Variants in APCDD1L observed in about 807,000 individuals in gnomAD.
APCDD1L encodes the protein APC down-regulated 1 like.
APCDD1L carries 21 observed loss-of-function variants against 24.2 expected under a neutral mutation model. The observed-to-expected ratio is 0.87, with a 90% CI of 0.61 to 1.25. The LOEUF (loss-of-function observed/expected upper bound fraction) is 1.25. Among genes scored for constraint, APCDD1L ranks in the 50% most tolerant of loss-of-function variants. The pLI is 0.00. For missense variants in APCDD1L, 704 were observed against 711.7 expected, an observed-to-expected ratio of 0.99 and a Z score of 0.12; for synonymous variants, 321 against 323.6, an observed-to-expected ratio of 0.99 and a Z score of 0.09.
In APCDD1L at chr20:58,508,948, G is replaced by A. The variant is rs1297450538; in HGVS notation, c.49+5711C>T. Among the ~76,000 whole-genome samples, 1 of 150,882 alleles carries A rather than the reference G, an allele frequency of 6.6e-6. No individual in the cohort carries two copies. Among genetic ancestry groups the A allele is most frequent in the Admixed American group, 6.6e-5 (1 of 15,188 alleles). On this transcript the variant is annotated intron_variant, in intron 1 of 3. Coordinates refer to ENST00000371149, the MANE Select transcript of APCDD1L (RefSeq NM_153360.3). This position sits in a 1 kb window ranked among gnomAD's most constrained non-coding sequence, Gnocchi z 4.0. ...CATGAGTGTGCGTGAGTGTGTGTGA[G>A]TGTGCATGTGTGTCTGTGTGCGCAC...
In APCDD1L at chr20:58,486,854, G is replaced by GTTT. The variant is rs747539318; in HGVS notation, c.50-16110_50-16108dup. Among the ~76,000 whole-genome samples the GTTT allele has an allele frequency of 1.7e-3, 140 of 80,422 alleles. 11 individuals are homozygous for GTTT. The highest frequency in any genetic ancestry group is 3.9e-3 in the African/African-American group (74 of 19,112). 52.8% of individuals were successfully genotyped at this position (80,422 alleles called of 152,430 possible). A position where few individuals can be genotyped will look rare whatever the true frequency, so the allele number is the denominator to read the frequency against. On this transcript the variant is annotated intron_variant, in intron 1 of 3. Transcript: ENST00000371149. The stretch of plus-strand genomic sequence containing the variant: ...AGAAGGAAAATTTACTGGAGGGAAG[G>GTTT]TTTTTTTTTTTTTTTTTTTTTTTTT...
Position 58,494,178 on chromosome 20 carries a change from CA to C in APCDD1L, c.49+20480del, listed in dbSNP as rs1305592941. On this transcript the variant is annotated intron_variant, in intron 1 of 3. Coordinates refer to ENST00000371149, the MANE Select transcript of APCDD1L (RefSeq NM_153360.3). The surrounding 1 kb of genome is among the most constrained non-coding windows in gnomAD (Gnocchi z 4.8). ...AGAGGAGGGGCTGGTCTTGCTGTCTCAGGGGCAGCAGAGGCAGAAGAAAATC... is the reference window on the plus strand; with the variant it reads ...AGAGGAGGGGCTGGTCTTGCTGTCTCGGGGCAGCAGAGGCAGAAGAAAATC... 6.6e-6 allele frequency among the ~76,000 whole-genome samples: 1 copy of C among 152,114 alleles called. No individual in the cohort carries two copies. The highest frequency in any genetic ancestry group is 2.4e-5 in the African/African-American group (1 of 41,412).
At chr20:58,488,047 C>T (rs1384066682) in intron 1 of APCDD1L, among the ~76,000 whole-genome samples, 1 of 152,090 alleles carries the variant, frequency 6.6e-6, no homozygotes, top group Non-Finnish European at 1.5e-5. Flanking sequence ...GTTTTGCTTT[C>T]CATGGTTTCA....
At position 58,513,704 on chromosome 20, in the gene APCDD1L, T is replaced by C. The variant is rs117873338; in HGVS notation, c.49+955A>G. ...TGCCAGGCAGCAAGTGGAGTGATCC[T>C]CCTGCACGTGCTCTCGTAATCTTCA... On this transcript the variant is annotated intron_variant, in intron 1 of 3. Coordinates refer to ENST00000371149, the MANE Select transcript of APCDD1L (RefSeq NM_153360.3). The C allele has an allele frequency of 8.0e-3, 3,406 of 423,136 alleles. 36 individuals are homozygous for C. The highest frequency in any genetic ancestry group is 0.025 in the Middle Eastern group (69 of 2,780). The allele number at this position is 423,136 out of a possible 1,614,324, so 26.2% of individuals were successfully genotyped here. A position where few individuals can be genotyped will look rare whatever the true frequency, so the allele number is the denominator to read the frequency against.
intron 1 of APCDD1L, among the ~76,000 whole-genome samples, chr20:58,491,009 C>G (rs1386870793): frequency 6.6e-6 from 1 of 152,192 alleles, no homozygotes; most frequent in African/African-American, 2.4e-5. Flanking sequence ...TTGCCACATT[C>G]ACAGATTAAA....
chr20:58,470,947 C>T (rs181036920), intron 1 of APCDD1L, among the ~76,000 whole-genome samples, 200 bp from the exon 2 acceptor site: 55 of 152,262 alleles, frequency 3.6e-4, no homozygotes, highest in East Asian at 1.5e-3. Flanking sequence ...TCAGCCTCCC[C>T]GACGCATCTC....
intron 1 of APCDD1L, among the ~76,000 whole-genome samples, chr20:58,489,476 G>A (rs1990182693): frequency 6.6e-6 from 1 of 152,124 alleles, no homozygotes; most frequent in Non-Finnish European, 1.5e-5. Flanking sequence ...GAGGTTAGGA[G>A]TTTGAGATCA....
chr20:58,483,312 G>T (rs1343029690), intron 1 of APCDD1L, among the ~76,000 whole-genome samples: 1 of 152,260 alleles, frequency 6.6e-6, no homozygotes, highest in South Asian at 2.1e-4. Context: ...CTTGGGGCTG[G>T]AATGTTCTCC....
chr20:58,498,542 C>A (rs6026314), intron 1 of APCDD1L, among the ~76,000 whole-genome samples: 1 of 152,166 alleles, frequency 6.6e-6, no homozygotes, highest in Non-Finnish European at 1.5e-5. Flanking sequence ...CTGCTGGCCT[C>A]GGGGGAAGCT....
Position 58,461,094 on chromosome 20 carries a change from G to C in APCDD1L, c.1202C>G (p.Pro401Arg). The C allele has an allele frequency of 6.2e-7, 1 of 1,614,018 alleles. No individual in the cohort carries two copies. The highest frequency in any genetic ancestry group is 8.5e-7 in the Non-Finnish European group (1 of 1,179,978). Residue 401 changes from proline (P) to arginine (R), a missense_variant, in exon 4 of 4, where the codon CCG (proline) becomes CGG (arginine). Coordinates refer to ENST00000371149, the MANE Select transcript of APCDD1L (RefSeq NM_153360.3). This position sits in a 1 kb window ranked among gnomAD's most constrained non-coding sequence, Gnocchi z 6.0. ...RDVTATNGCL[P>R]LGIRLPHVEY... is the part of the protein sequence containing the mutation. ...CACATGCGGGAGCCGGATGCCCAGC[G>C]GTAGGCAGCCGTTGGTGGCTGTGAC...
At position 58,474,904 on chromosome 20, in the gene APCDD1L, G is replaced by A. The variant is rs147611562; in HGVS notation, c.50-4157C>T. Among the ~76,000 whole-genome samples the A allele has an allele frequency of 9.2e-5, 14 of 152,028 alleles. No individual in the cohort carries two copies. The East Asian group carries it at 2.1e-3, about 23-fold the overall frequency. ...CCGCTCCCCTCTCCTCTTAGATCTC[G>A]GCAACAATGACTCCGCTTTCTGTCT... On this transcript the variant is annotated intron_variant, in intron 1 of 3. Coordinates refer to ENST00000371149, the MANE Select transcript of APCDD1L (RefSeq NM_153360.3).
intron 1 of APCDD1L, among the ~76,000 whole-genome samples, chr20:58,505,132 CT>C (rs545459211): frequency 2.6e-5 from 4 of 151,954 alleles, no homozygotes; most frequent in East Asian, 1.9e-4. Context: ...CATATGTTTT[CT>C]TTTTTTTATT....
At chr20:58,466,597 G>A (rs1465115280) in intron 3 of APCDD1L, among the ~76,000 whole-genome samples, 1 of 152,248 alleles carries the variant, frequency 6.6e-6, no homozygotes, top group Non-Finnish European at 1.5e-5. Flanking sequence ...GGCCTGACCC[G>A]TGCTAGGTGC....
chr20:58,464,819 A>AATTCCTTC (rs1469415219), intron 3 of APCDD1L, among the ~76,000 whole-genome samples: 1 of 151,706 alleles, frequency 6.6e-6, no homozygotes, highest in Non-Finnish European at 1.5e-5. Context: ...TCTCTGCAGC[A>AATTCCTTC]ATTCCTTCTT....
rs953151046 is a variant in APCDD1L, at chr20:58,508,118, A to T, written c.49+6541T>A. ...TGCCACGGCAATTCCACTGCTAGGTATTTCCACTAAAATTTGCAGGTGAAG... is the reference window on the plus strand; with the variant it reads ...TGCCACGGCAATTCCACTGCTAGGTTTTTCCACTAAAATTTGCAGGTGAAG... On this transcript the variant is annotated intron_variant, in intron 1 of 3. Transcript: ENST00000371149. This position sits in a 1 kb window ranked among gnomAD's most constrained non-coding sequence, Gnocchi z 4.0. 2.0e-5 allele frequency among the ~76,000 whole-genome samples: 3 copies of T among 152,222 alleles called. No individual in the cohort carries two copies. The highest frequency in any genetic ancestry group is 2.1e-4 in the South Asian group (1 of 4,828).
intron 1 of APCDD1L, among the ~76,000 whole-genome samples, chr20:58,478,438 C>T (rs543092398): frequency 3.3e-5 from 5 of 151,684 alleles, no homozygotes; most frequent in African/African-American, 1.2e-4. Flanking sequence ...CCTTCCCTTC[C>T]CTCATTTCTC....
intron 1 of APCDD1L, among the ~76,000 whole-genome samples, chr20:58,490,873 T>C (rs1212880392): frequency 1.3e-5 from 2 of 152,220 alleles, no homozygotes; most frequent in East Asian, 3.8e-4. Flanking sequence ...ATCGCATTTA[T>C]GGACATGGTT....
chr20:58,492,142 G>A (rs1215764915), intron 1 of APCDD1L, among the ~76,000 whole-genome samples: 2 of 152,232 alleles, frequency 1.3e-5, no homozygotes, highest in Non-Finnish European at 2.9e-5. Flanking sequence ...TCTTATGACC[G>A]CGAGCTAGCA....
Position 58,467,129 on chromosome 20 carries a change from G to A in APCDD1L, c.718C>T (p.Gln240Ter), listed in dbSNP as rs749412905. The A allele has an allele frequency of 1.0e-5, 16 of 1,607,452 alleles. No individual in the cohort carries two copies. Among genetic ancestry groups the A allele is most frequent in the Admixed American group, 5.0e-5 (3 of 59,926 alleles). Reference protein sequence around the residue: ...ERRHYRPTGYQRPLQSALHHV... With the variant: ...ERRHYRPTGY ...ACCAGTGCGCTCTGCAGCGGGCGCT[G>A]GTAGCCCGTGGGCCGGTAGTGCCGC... Residue 240 changes from glutamine (Q) to a stop codon, truncating the protein, a stop_gained, in exon 3 of 4, where the codon CAG becomes TAG. Transcript: ENST00000371149. LOFTEE classifies it low-confidence loss of function (END_TRUNC). This position sits in a 1 kb window ranked among gnomAD's most constrained non-coding sequence, Gnocchi z 5.9.
Sources: allele counts gnomAD v4.1 joint callset (sites outside exome capture counted in the v4.1 genomes callset), GRCh38; gene constraint gnomAD v4.1.1; non-coding constraint Gnocchi (gnomAD v3.1); transcripts MANE v1.5; gene names NCBI Gene and HGNC (gene_info 2026-07-23, HGNC 2026-07-21).